The following KIAA0930 variants were observed in gnomAD, a reference collection of about 807,000 sequenced individuals.
KIAA0930 encodes KIAA0930, also known as uncharacterized protein KIAA0930.
Under a neutral mutation model 43.9 loss-of-function variants are expected in KIAA0930, and 24 were observed. That is an observed-to-expected ratio of 0.55 (90% CI 0.40 to 0.77). KIAA0930 has a LOEUF of 0.77. Ranked by LOEUF, KIAA0930 falls within the 30% of genes least tolerant of loss-of-function variation. The pLI is 0.00. For synonymous variants in KIAA0930, 259 were observed against 216.4 expected (o/e 1.20, Z -1.73); for missense variants, 461 against 574.2 (o/e 0.80, Z 2.02).
At chr22:45,236,053 CCCTT>C (rs1308761735) in intron 1 of KIAA0930, 1 of 152,352 alleles carries the variant, frequency 6.6e-6, no homozygotes, top group African/African-American at 2.4e-5. Context: ...ATTCCACGAA[CCCTT>C]CCGGGTTGGC....
At chr22:45,238,667 A>G (rs2083900522) in intron 1 of KIAA0930, among the ~76,000 whole-genome samples, 1 of 152,148 alleles carries the variant, frequency 6.6e-6, no homozygotes, top group South Asian at 2.1e-4. Context: ...CCCTGCAGGG[A>G]CTGAGTTCAG....
intron 6 of KIAA0930, among the ~76,000 whole-genome samples, chr22:45,203,387 C>T (rs897531480): frequency 1.2e-4 from 18 of 152,044 alleles, no homozygotes; most frequent in Admixed American, 9.8e-4. Flanking sequence ...CCCACCGCCC[C>T]ATGAACCACG....
At chr22:45,202,807 C>A (rs920629611) in intron 7 of KIAA0930, 183 bp downstream of exon 7, 1 of 544,894 alleles carries the variant, frequency 1.8e-6, no homozygotes, top group Non-Finnish European at 3.2e-6. Flanking sequence ...GTGCCTCCTA[C>A]AAACCGCTAG....
At chr22:45,217,619 T>A (rs2083741886) in intron 1 of KIAA0930, among the ~76,000 whole-genome samples, 2 of 152,164 alleles carry the variant, frequency 1.3e-5, no homozygotes, top group Admixed American at 1.3e-4. Context: ...AGGACACTTC[T>A]TTACAGTGTG....
At chr22:45,225,685 T>G (rs1387228830) in intron 1 of KIAA0930, among the ~76,000 whole-genome samples, 1 of 151,910 alleles carries the variant, frequency 6.6e-6, no homozygotes, top group African/African-American at 2.4e-5. Flanking sequence ...ACCTCCACCT[T>G]TGCAGTCACC....
chr22:45,227,671 C>T (rs2083810714), intron 1 of KIAA0930, among the ~76,000 whole-genome samples: 1 of 152,198 alleles, frequency 6.6e-6, no homozygotes, highest in South Asian at 2.1e-4. Flanking sequence ...GAAATGAAGT[C>T]CCCTCCGTAA....
At chr22:45,203,808 G>A (rs1208576938) in intron 6 of KIAA0930, 37 bp downstream of exon 6, 1 of 1,607,106 alleles carries the variant, frequency 6.2e-7, no homozygotes, top group Non-Finnish European at 8.5e-7. Context: ...CCGTCCCCGG[G>A]CCCAGAAGAA....
chr22:45,236,364 G>A (rs1179481337), intron 1 of KIAA0930: 2 of 152,348 alleles, frequency 1.3e-5, no homozygotes, highest in East Asian at 1.9e-4. Flanking sequence ...TTCTGAGCCA[G>A]GGATTACTCC....
At position 45,212,347 on chromosome 22, in the gene KIAA0930, C is replaced by T. The variant is rs201941163; in HGVS notation, c.65-240G>A. The T allele has an allele frequency of 3.7e-5, 60 of 1,608,972 alleles. No homozygotes were observed. The Middle Eastern group carries it at 8.2e-4, about 22-fold the overall frequency. ...CAGCAGCAGCCTGAGAGCCCATGCT[C>T]CCAGCCCCACAGCTGAGCCTGACTC... On this transcript the variant is annotated intron_variant, in intron 1 of 9. Coordinates refer to ENST00000336156, the MANE Select transcript of KIAA0930 (RefSeq NM_001009880.2).
At chr22:45,197,338 G>A (rs1187619387) in intron 9 of KIAA0930, 122 bp from the exon 10 acceptor site, 2 of 826,858 alleles carry the variant, frequency 2.4e-6, no homozygotes, top group East Asian at 5.5e-5. Flanking sequence ...TCCTCTCCAG[G>A]CCTCACAGAC....
chr22:45,224,545 C>T (rs1254721176), intron 1 of KIAA0930, among the ~76,000 whole-genome samples: 22 of 152,206 alleles, frequency 1.4e-4, no homozygotes, highest in Admixed American at 1.4e-3. Context: ...TGAACCCACT[C>T]GTCCTCACAT....
At position 45,212,181 on chromosome 22, in the gene KIAA0930, G is replaced by C. The variant is rs935046810; in HGVS notation, c.65-74C>G. The C allele has an allele frequency of 4.3e-6, 7 of 1,613,324 alleles. No individual in the cohort carries two copies. The African/African-American group carries it at 9.3e-5, about 22-fold the overall frequency. ...CTTGCAGCATGGCCTTGGCCAAGCT[G>C]CGCCCATACCCCCACATTTCTGGCC... On this transcript the variant is annotated intron_variant, in intron 1 of 9. Transcript: ENST00000336156.
In KIAA0930 at chr22:45,236,861, A is replaced by C. The variant is rs564963894; in HGVS notation, c.64+3779T>G. ...CTGCACCACTCCGGACACAGGGAGA[A>C]TCCCTTAGCCCCAAATGCCAGGCAC... On this transcript the variant is annotated intron_variant, in intron 1 of 9. Coordinates refer to ENST00000336156, the MANE Select transcript of KIAA0930 (RefSeq NM_001009880.2). Among the ~76,000 whole-genome samples the C allele has an allele frequency of 3.3e-5, 5 of 152,354 alleles. No individual in the cohort carries two copies. In the South Asian group the frequency reaches 1.0e-3, roughly 32 times the overall value.
chr22:45,192,558 G>C lies in KIAA0930; in HGVS notation c.*4618C>G, dbSNP rs2147726390. 6.6e-6 allele frequency: 1 copy of C among 152,308 alleles called. No homozygotes were observed. The highest frequency in any genetic ancestry group is 1.9e-4 in the East Asian group (1 of 5,184). 9.4% of individuals were successfully genotyped at this position (152,308 alleles called of 1,614,324 possible). On this transcript the variant is annotated 3_prime_UTR_variant, in exon 10 of 10. Transcript: ENST00000336156. ...TACTCTCACACAAATAATTCATTTG[G>C]AAACCATAAAAGATACCTATTTACA...
rs1325524796 is a variant in KIAA0930, at chr22:45,194,099, A to T, written c.*3077T>A. 2.3e-5 allele frequency: 2 copies of T among 86,266 alleles called. No individual in the cohort carries two copies. Among genetic ancestry groups the T allele is most frequent in the East Asian group, 4.8e-4 (1 of 2,088 alleles). The allele number at this position is 86,266 out of a possible 1,614,324, so 5.3% of individuals were successfully genotyped here. ...TTTTTTTTTTTTTTTTTTGAGACAG[A>T]GTTTCGCTCTCGTTGCCCAGGCTAG... On this transcript the variant is annotated 3_prime_UTR_variant, in exon 10 of 10. Coordinates refer to ENST00000336156, the MANE Select transcript of KIAA0930 (RefSeq NM_001009880.2).
At chr22:45,222,632 GA>G (rs1052064903) in intron 1 of KIAA0930, among the ~76,000 whole-genome samples, 9 of 123,182 alleles carry the variant, frequency 7.3e-5, no homozygotes, top group Non-Finnish European at 1.2e-4. Context: ...TTCTATAGGG[GA>G]AAAAAAACCA....
In KIAA0930 at chr22:45,217,360, CAAAAAAAA is replaced by C. The variant is rs58492110; in HGVS notation, c.65-5261_65-5254del. Among the ~76,000 whole-genome samples the C allele has an allele frequency of 8.7e-5, 6 of 68,736 alleles. No homozygotes were observed. The East Asian group carries it at 1.4e-3, about 16-fold the overall frequency. 45.1% of individuals were successfully genotyped at this position (68,736 alleles called of 152,430 possible). On this transcript the variant is annotated intron_variant, in intron 1 of 9. Coordinates refer to ENST00000336156, the MANE Select transcript of KIAA0930 (RefSeq NM_001009880.2). ...TGGGAGACAGAGCAAGACCCCGTCT[CAAAAAAAA>C]AAAAAAAAAAAAAAAAAAAAGACAC...
chr22:45,199,579 G>A (rs2083568343), intron 8 of KIAA0930, among the ~76,000 whole-genome samples: 1 of 152,184 alleles, frequency 6.6e-6, no homozygotes, highest in African/African-American at 2.4e-5. Flanking sequence ...AGGCTGAAAA[G>A]CCTTAGAAAG....
At position 45,196,464 on chromosome 22, in the gene KIAA0930, A is replaced by C. The variant is rs1440620104; in HGVS notation, c.*712T>G. ...CAAATTCTGCAGGTTCCTCCGTGCG[A>C]GGCCCAGCGTGGGATGTCCCAGGTT... On this transcript the variant is annotated 3_prime_UTR_variant, in exon 10 of 10. Transcript: ENST00000336156. This position sits in a 1 kb window ranked among gnomAD's most constrained non-coding sequence, Gnocchi z 4.1. 1 of 152,664 alleles carries C rather than the reference A, an allele frequency of 6.6e-6. No homozygotes were observed. The highest frequency in any genetic ancestry group is 1.5e-5 in the Non-Finnish European group (1 of 68,120). The allele number at this position is 152,664 out of a possible 1,614,324, so 9.5% of individuals were successfully genotyped here. A position where few individuals can be genotyped will look rare whatever the true frequency, so the allele number is the denominator to read the frequency against.
Sources: gnomAD v4.1 joint callset for allele counts (sites outside exome capture counted in the v4.1 genomes callset) on GRCh38, gnomAD v4.1.1 for gene constraint, Gnocchi (gnomAD v3.1) non-coding constraint, MANE v1.5 for transcripts, NCBI Gene and HGNC (gene_info 2026-07-23, HGNC 2026-07-21) for gene names.